Variants in CFDP1 observed in about 807,000 individuals in gnomAD.
CFDP1 encodes chromatin remodeling protein CFDP1.
A neutral mutation model predicts 40.1 loss-of-function variants in CFDP1; 31 were observed. That is an observed-to-expected ratio of 0.77 (90% confidence interval 0.58 to 1.04). The LOEUF (loss-of-function observed/expected upper bound fraction) is 1.04, where lower values mean the gene tolerates loss of function less well. Ranked by LOEUF, CFDP1 falls within the 50% of genes least tolerant of loss-of-function variation. CFDP1 has a pLI of 0.00. For missense variants in CFDP1, 423 were observed against 343.4 expected (o/e 1.23, Z -1.83); for synonymous variants, 167 against 120.0 (o/e 1.39, Z -2.56).
chr16:75,402,044 C>G (rs928570870), intron 4 of CFDP1, among the ~76,000 whole-genome samples: 2 of 152,178 alleles, frequency 1.3e-5, no homozygotes. Context: ...CTAGGAAACA[C>G]TGGTATATTT....
At chr16:75,320,395 A>G (rs927883669) in intron 5 of CFDP1, among the ~76,000 whole-genome samples, 1 of 152,198 alleles carries the variant, frequency 6.6e-6, no homozygotes, top group African/African-American at 2.4e-5. Context: ...AGGTCTGCTG[A>G]AACAAAGTTG....
At chr16:75,432,867 C>G (rs1437784725) in intron 1 of CFDP1, among the ~76,000 whole-genome samples, 2 of 151,958 alleles carry the variant, frequency 1.3e-5, no homozygotes, top group Admixed American at 6.6e-5. Flanking sequence ...TTTCTAACAA[C>G]CAGGCGGAGA....
chr16:75,313,053 GTCC>G (rs2078304375), intron 5 of CFDP1, among the ~76,000 whole-genome samples: 1 of 152,222 alleles, frequency 6.6e-6, no homozygotes, highest in African/African-American at 2.4e-5. Context: ...GTGAATAACA[GTCC>G]TTTACTGGTC....
chr16:75,404,981 T>A (rs575605240), intron 4 of CFDP1, among the ~76,000 whole-genome samples: 6 of 152,338 alleles, frequency 3.9e-5, no homozygotes, highest in Admixed American at 3.9e-4. Context: ...CATTTGTATA[T>A]AGTGCTATTC....
At chr16:75,299,616 T>C (rs1484903280) in intron 6 of CFDP1, among the ~76,000 whole-genome samples, 1 of 150,668 alleles carries the variant, frequency 6.6e-6, no homozygotes, top group Non-Finnish European at 1.5e-5. Flanking sequence ...AAAATTCGAA[T>C]CCTACTAGAC....
chr16:75,331,953 G>C (rs78339968), intron 5 of CFDP1, among the ~76,000 whole-genome samples: 21 of 152,104 alleles, frequency 1.4e-4, no homozygotes, highest in Non-Finnish European at 2.5e-4. Context: ...AGAGGTTCTG[G>C]CTGCTCCATA....
At chr16:75,300,148 C>T (rs903083005) in intron 6 of CFDP1, among the ~76,000 whole-genome samples, 9 of 152,194 alleles carry the variant, frequency 5.9e-5, no homozygotes, top group Non-Finnish European at 1.0e-4. Flanking sequence ...AAGCAGGGAG[C>T]GGAGCAGATG....
At chr16:75,416,150 C>T (rs1237272125) in intron 1 of CFDP1, among the ~76,000 whole-genome samples, 1 of 152,108 alleles carries the variant, frequency 6.6e-6, no homozygotes, top group East Asian at 1.9e-4. Context: ...CCGCACACGG[C>T]CTCCAATCAG....
chr16:75,305,448 T>A (rs1212581901), intron 5 of CFDP1: 16 of 375,978 alleles, frequency 4.3e-5, no homozygotes, highest in Non-Finnish European at 6.8e-5. Context: ...GTGGGCTCTG[T>A]GTGGCAGGTC....
chr16:75,356,906 T>A (rs895582708), intron 5 of CFDP1, among the ~76,000 whole-genome samples: 11 of 38,510 alleles, frequency 2.9e-4, no homozygotes, highest in Admixed American at 1.3e-3. Context: ...ACAGCTGCTT[T>A]CTTTCTTTTT....
At chr16:75,417,610 G>A (rs921179429) in intron 1 of CFDP1, among the ~76,000 whole-genome samples, 8 of 152,140 alleles carry the variant, frequency 5.3e-5, no homozygotes, top group African/African-American at 1.2e-4. Context: ...CTCCTTATAA[G>A]GGTCAGGATA....
At chr16:75,390,900 T>C (rs557401748) in intron 5 of CFDP1, among the ~76,000 whole-genome samples, 7 of 152,318 alleles carry the variant, frequency 4.6e-5, no homozygotes, top group Non-Finnish European at 7.4e-5. Context: ...CACACCAATA[T>C]TTGTATCCCT....
chr16:75,352,731 T>G (rs1281877477), intron 5 of CFDP1, among the ~76,000 whole-genome samples: 1 of 152,180 alleles, frequency 6.6e-6, no homozygotes, highest in Non-Finnish European at 1.5e-5. Flanking sequence ...CCATTCTGGT[T>G]TTCACTTCCA....
chr16:75,412,041 C>G, intron 3 of CFDP1, 89 bp from the exon 4 acceptor site: 2 of 1,331,376 alleles, frequency 1.5e-6, no homozygotes, highest in South Asian at 1.5e-5. Context: ...TTTGAGATAG[C>G]GTCTCACTCT....
chr16:75,432,617 G>A (rs1248432772), intron 1 of CFDP1, among the ~76,000 whole-genome samples: 1 of 152,156 alleles, frequency 6.6e-6, no homozygotes, highest in Non-Finnish European at 1.5e-5. Flanking sequence ...TGTTTTGTTA[G>A]TCTGTTTGTT....
At chr16:75,416,915 T>C (rs1027214320) in intron 1 of CFDP1, among the ~76,000 whole-genome samples, 6 of 152,270 alleles carry the variant, frequency 3.9e-5, no homozygotes, top group East Asian at 1.9e-4. Context: ...CAGTGTTTCA[T>C]GAAGAGAGCA....
At chr16:75,331,890 AAAGTT>A (rs1261405608) in intron 5 of CFDP1, among the ~76,000 whole-genome samples, 2 of 152,210 alleles carry the variant, frequency 1.3e-5, no homozygotes, top group Admixed American at 6.5e-5. Flanking sequence ...ACAGTTCTCC[AAAGTT>A]AAGAACTCTC....
intron 5 of CFDP1, among the ~76,000 whole-genome samples, chr16:75,386,125 T>C (rs1316827465): frequency 1.3e-5 from 2 of 152,132 alleles, no homozygotes; most frequent in Non-Finnish European, 2.9e-5. Flanking sequence ...ATCCCGGAAC[T>C]TAAAGTAAAA....
chr16:75,299,477 C>G (rs1166529718), intron 6 of CFDP1, among the ~76,000 whole-genome samples: 1 of 151,482 alleles, frequency 6.6e-6, no homozygotes, highest in Non-Finnish European at 1.5e-5. Context: ...CGCCTGTAGT[C>G]CCAGCTACTC....
Sources: allele counts gnomAD v4.1 joint callset (sites outside exome capture counted in the v4.1 genomes callset), GRCh38; gene constraint gnomAD v4.1.1; transcripts MANE v1.5; gene names NCBI Gene and HGNC (gene_info 2026-07-23, HGNC 2026-07-21).